The following PTPN14 variants were observed in gnomAD, a reference collection of about 807,000 sequenced individuals.
The protein encoded by PTPN14 is protein tyrosine phosphatase non-receptor type 14, also known as tyrosine-protein phosphatase non-receptor type 14.
Under a neutral mutation model 126.8 loss-of-function variants are expected in PTPN14, and 53 were observed. The observed-to-expected ratio is 0.42, with a 90% CI of 0.34 to 0.53. The LOEUF is 0.53. Among genes scored for constraint, PTPN14 ranks in the 20% least tolerant of loss-of-function variants. The pLI is 0.08. For missense variants in PTPN14, 1,257 were observed against 1,552.9 expected (o/e 0.81, Z 3.20); for synonymous variants, 630 against 599.3 (o/e 1.05, Z -0.75).
chr1:214,401,111 C>G (rs953706218), intron 7 of PTPN14, among the ~76,000 whole-genome samples: 1 of 152,076 alleles, frequency 6.6e-6, no homozygotes, highest in Non-Finnish European at 1.5e-5. Context: ...CATGACCCCC[C>G]CAACCACACC....
At position 214,383,299 on chromosome 1, in the gene PTPN14, G is replaced by A. The variant is rs1485499826; in HGVS notation, c.2544+12C>T. 3.1e-6 allele frequency: 5 copies of A among 1,600,748 alleles called. No individual in the cohort carries two copies. The highest frequency in any genetic ancestry group is 4.3e-6 in the Non-Finnish European group (5 of 1,169,636). On this transcript the variant is annotated intron_variant, in intron 13 of 18. Coordinates refer to ENST00000366956, the MANE Select transcript of PTPN14 (RefSeq NM_005401.5). The surrounding 1 kb of genome is among the most constrained non-coding windows in gnomAD (Gnocchi z 4.4). ...CACACTGGAAAATGCCCTGGGAGAG[G>A]AGGACACTCACCCTGATCATCATCT...
At chr1:214,412,849 C>A (rs1276183967) in intron 4 of PTPN14, among the ~76,000 whole-genome samples, 1 of 152,110 alleles carries the variant, frequency 6.6e-6, no homozygotes, top group East Asian at 1.9e-4. Context: ...AGAGTACATG[C>A]AGTAAACAAA....
rs1017489073 is a variant in PTPN14, at chr1:214,396,643, A to AAAAG, written c.758+1266_758+1269dup. Among the ~76,000 whole-genome samples, 273 of 152,370 alleles carry AAAAG rather than the reference A, an allele frequency of 1.8e-3. 1 individual carries two copies. The highest frequency in any genetic ancestry group is 6.3e-3 in the African/African-American group (263 of 41,594). ...TCTTGTAGTGGTTTCAAGATAAATG[A>AAAAG]AAAGGTCTGGAAGCAGTTTCTAAGG... On this transcript the variant is annotated intron_variant, in intron 8 of 18. Transcript: ENST00000366956.
intron 7 of PTPN14, among the ~76,000 whole-genome samples, chr1:214,398,246 A>G (rs536903566): frequency 1.3e-5 from 2 of 152,358 alleles, no homozygotes; most frequent in South Asian, 2.1e-4. Flanking sequence ...CAGAAAGCAA[A>G]TAACACGTGT....
intron 1 of PTPN14, among the ~76,000 whole-genome samples, chr1:214,526,757 T>C (rs1655409719): frequency 6.6e-6 from 1 of 151,890 alleles, no homozygotes; most frequent in African/African-American, 2.4e-5. Flanking sequence ...GAGGAAAAAT[T>C]AGAAAACCAG....
chr1:214,369,062 C>T (rs371279473), intron 17 of PTPN14, among the ~76,000 whole-genome samples: 4 of 152,272 alleles, frequency 2.6e-5, no homozygotes, highest in South Asian at 4.1e-4. Flanking sequence ...TCTGACCTTG[C>T]CTATTCTAGG....
chr1:214,393,618 G>T, intron 10 of PTPN14, 77 bp downstream of exon 10: 1 of 1,147,674 alleles, frequency 8.7e-7, no homozygotes, highest in Non-Finnish European at 1.3e-6. Flanking sequence ...TAGGAAAAGA[G>T]ATCTACAGCA....
Position 214,349,551 on chromosome 1 carries a change from C to G in PTPN14, c.*8371G>C, listed in dbSNP as rs1657663437. On this transcript the variant is annotated 3_prime_UTR_variant, in exon 19 of 19. Coordinates refer to ENST00000366956, the MANE Select transcript of PTPN14 (RefSeq NM_005401.5). ...GGAGCACAAGCCTAGTCCAGTGAAA[C>G]AAACTAGATTAGCTTGTTACTTGAT... is the stretch of plus-strand genomic sequence containing the variant. 6.6e-6 allele frequency: 1 copy of G among 152,194 alleles called. No homozygotes were observed. Among genetic ancestry groups the G allele is most frequent in the Admixed American group, 6.5e-5 (1 of 15,290 alleles). 9.4% of individuals were successfully genotyped at this position (152,194 alleles called of 1,614,324 possible).
intron 1 of PTPN14, among the ~76,000 whole-genome samples, chr1:214,537,394 G>C (rs1202898345): frequency 6.6e-6 from 1 of 152,136 alleles, no homozygotes; most frequent in African/African-American, 2.4e-5. Context: ...TTGACACTAG[G>C]CTCCATCATT....
rs1659313854 is a variant in PTPN14, at chr1:214,411,723, A to C, written c.471T>G (p.Asp157Glu). Residue 157 changes from aspartate (D) to glutamate (E), a missense_variant, in exon 5 of 19, where the codon GAT (aspartate) becomes GAG (glutamate). By Grantham distance (45) the Asp-to-Glu change is conservative. Around this residue, in one of 3 missense-constraint regions of PTPN14, gnomAD observed 1,021 missense variants for 1,183.3 expected, o/e 0.86. Coordinates refer to ENST00000366956, the MANE Select transcript of PTPN14 (RefSeq NM_005401.5). ...CATACTCTCTGAGGAAATCTTGAGA[A>C]TCAAACTGATTATAGTCTCCAAAAT... Reference protein sequence around the residue: ...QADFGDYNQFDSQDFLREYVL... With the variant: ...QADFGDYNQFESQDFLREYVL... 6.6e-7 allele frequency: 1 copy of C among 1,514,426 alleles called. No individual in the cohort carries two copies. Among genetic ancestry groups the C allele is most frequent in the African/African-American group, 1.4e-5 (1 of 71,992 alleles). The allele number at this position is 1,514,426 out of a possible 1,614,324, so 93.8% of individuals were successfully genotyped here. A position where few individuals can be genotyped will look rare whatever the true frequency, so the allele number is the denominator to read the frequency against.
At chr1:214,365,552 G>C (rs1418561963) in intron 17 of PTPN14, among the ~76,000 whole-genome samples, 1 of 152,178 alleles carries the variant, frequency 6.6e-6, no homozygotes, top group Non-Finnish European at 1.5e-5. Context: ...AAAGGTTCTT[G>C]ATACTCAGTG....
chr1:214,433,952 A>AC (rs1491336637), intron 3 of PTPN14, among the ~76,000 whole-genome samples: 1,322 of 9,118 alleles, frequency 0.14, 9 homozygotes, highest in Non-Finnish European at 0.2. Flanking sequence ...ACACACACAC[A>AC]AAAAAAAAAA....
intron 1 of PTPN14, among the ~76,000 whole-genome samples, chr1:214,493,980 A>C (rs1278904432): frequency 6.6e-6 from 1 of 152,212 alleles, no homozygotes; most frequent in Non-Finnish European, 1.5e-5. Context: ...GGACACATCA[A>C]AGAAAGAGAA....
intron 3 of PTPN14, among the ~76,000 whole-genome samples, chr1:214,435,753 C>T (rs1659900014): frequency 6.6e-6 from 1 of 152,118 alleles, no homozygotes; most frequent in Non-Finnish European, 1.5e-5. Flanking sequence ...CAAAAAATAA[C>T]TGAGAAAAGG....
chr1:214,463,455 G>A (rs1269200070), intron 2 of PTPN14, among the ~76,000 whole-genome samples: 1 of 152,134 alleles, frequency 6.6e-6, no homozygotes, highest in Non-Finnish European at 1.5e-5. Flanking sequence ...ATACCTAAAA[G>A]GAATACCTGA....
chr1:214,442,129 G>A (rs1302227367), intron 3 of PTPN14, among the ~76,000 whole-genome samples: 1 of 152,188 alleles, frequency 6.6e-6, no homozygotes, highest in Non-Finnish European at 1.5e-5. Context: ...CATTAACCAT[G>A]TGATTTAAAG....
In PTPN14 at chr1:214,495,248, T is replaced by G. The variant is rs771244503; in HGVS notation, c.-154-30291A>C. 2.6e-5 allele frequency among the ~76,000 whole-genome samples: 4 copies of G among 152,202 alleles called. No individual in the cohort carries two copies. In the East Asian group the frequency reaches 7.7e-4, roughly 29 times the overall value. ...AGCGTTGGTTCCCTCATCTGTAAGA[T>G]GAAAACAGTAACTACATGTCACGGC... On this transcript the variant is annotated intron_variant, in intron 1 of 18. Coordinates refer to ENST00000366956, the MANE Select transcript of PTPN14 (RefSeq NM_005401.5).
chr1:214,382,181 G>C (rs1049418942), intron 13 of PTPN14, among the ~76,000 whole-genome samples: 4 of 152,160 alleles, frequency 2.6e-5, no homozygotes, highest in African/African-American at 9.7e-5. Context: ...GATTACAGGC[G>C]TGAGCCACAG....
intron 3 of PTPN14, among the ~76,000 whole-genome samples, chr1:214,444,606 A>G (rs185888544): frequency 6.6e-6 from 1 of 152,366 alleles, no homozygotes; most frequent in Admixed American, 6.5e-5. Flanking sequence ...ACTTGTTTAC[A>G]ACAGCACACA....
Sources: allele counts gnomAD v4.1 joint callset (sites outside exome capture counted in the v4.1 genomes callset), GRCh38; gene constraint gnomAD v4.1.1; regional missense constraint gnomAD v4.1.1; non-coding constraint Gnocchi (gnomAD v3.1); transcripts MANE v1.5; gene names NCBI Gene and HGNC (gene_info 2026-07-23, HGNC 2026-07-21).